Variants in PCYT1A observed in about 807,000 individuals in gnomAD.
PCYT1A encodes the protein phosphate cytidylyltransferase 1A, choline, also known as choline-phosphate cytidylyltransferase A.
A neutral mutation model predicts 43.7 loss-of-function variants in PCYT1A; 25 were observed. The ratio of observed to expected loss-of-function variants is 0.57; its 90% CI spans 0.42 to 0.80. The LOEUF is 0.80. Ranked by LOEUF, PCYT1A falls within the 30% of genes least tolerant of loss-of-function variation. PCYT1A has a pLI of 0.00. For missense variants in PCYT1A, 421 were observed against 474.2 expected (o/e 0.89, Z 1.04); for synonymous variants, 172 against 170.7 (o/e 1.01, Z -0.06).
intron 1 of PCYT1A, among the ~76,000 whole-genome samples, chr3:196,275,418 G>A (rs1217569617): frequency 6.6e-6 from 1 of 152,196 alleles, no homozygotes; most frequent in East Asian, 1.9e-4. Context: ...AAAGGGAGAT[G>A]TCGAGTACAA....
In PCYT1A at chr3:196,248,270, C is replaced by T; in HGVS notation, c.271G>A (p.Gly91Ser). 1.2e-6 allele frequency: 2 copies of T among 1,613,742 alleles called. No homozygotes were observed. Among genetic ancestry groups the T allele is most frequent in the East Asian group, 2.2e-5 (1 of 44,886 alleles). The change falls in exon 4 of 9, where the codon GGT becomes AGT. Residue 91 changes from glycine to serine, a missense_variant. Physicochemically the swap from Gly to Ser is moderately conservative, Grantham distance 56. Around this residue, in one of 3 missense-constraint regions of PCYT1A, gnomAD observed 139 missense variants for 117.7 expected, o/e 1.18. Transcript: ENST00000431016. ...GCTTGCATCAGAGCTCGGGCGTGACCAGAGTGAAATAAGTCAAATATTCCA... is the reference window on the plus strand; with the variant it reads ...GCTTGCATCAGAGCTCGGGCGTGACTAGAGTGAAATAAGTCAAATATTCCA... Reference protein sequence around the residue: ...ADGIFDLFHSGHARALMQAKN... With the variant: ...ADGIFDLFHSSHARALMQAKN...
At chr3:196,265,265 G>A (rs939583282) in intron 2 of PCYT1A, among the ~76,000 whole-genome samples, 5 of 151,538 alleles carry the variant, frequency 3.3e-5, no homozygotes, top group South Asian at 2.1e-4. Context: ...ACGGGGTTTC[G>A]CCATGTTGGC....
At chr3:196,243,718 T>C (rs1289354203) in intron 5 of PCYT1A, among the ~76,000 whole-genome samples, 2 of 152,254 alleles carry the variant, frequency 1.3e-5, no homozygotes, top group Non-Finnish European at 2.9e-5. Context: ...ATTTTTTTGG[T>C]GGAGACAGGG....
chr3:196,248,429 T>C, intron 3 of PCYT1A, 106 bp from the exon 4 acceptor site: 1 of 613,386 alleles, frequency 1.6e-6, no homozygotes, highest in Non-Finnish European at 2.9e-6. Context: ...TGGAGTGCAG[T>C]GGCGTGATCT....
chr3:196,285,189 G>T (rs1286809513), intron 1 of PCYT1A, among the ~76,000 whole-genome samples: 1 of 152,172 alleles, frequency 6.6e-6, no homozygotes, highest in Non-Finnish European at 1.5e-5. Flanking sequence ...GCCAGGCGTG[G>T]TGGTCACACC....
intron 1 of PCYT1A, among the ~76,000 whole-genome samples, chr3:196,278,090 C>T (rs1725644759): frequency 1.3e-5 from 2 of 152,260 alleles, no homozygotes; most frequent in African/African-American, 2.4e-5. Flanking sequence ...GGACACATCA[C>T]CTTTGCTACT....
chr3:196,271,566 A>G (rs933853184), intron 1 of PCYT1A, among the ~76,000 whole-genome samples: 2 of 150,444 alleles, frequency 1.3e-5, no homozygotes, highest in African/African-American at 2.4e-5. Flanking sequence ...AGCTAGGACC[A>G]GCATAATGTA....
rs1365763649 is a variant in PCYT1A, at chr3:196,247,490, G to C, written c.363C>G (p.Phe121Leu). 6.2e-7 allele frequency: 1 copy of C among 1,614,164 alleles called. No homozygotes were observed. Among genetic ancestry groups the C allele is most frequent in the South Asian group, 1.1e-5 (1 of 91,088 alleles). The part of the protein sequence containing the change: ...GVCSDELTHN[F>L]KGFTVMNENE... ...TCTCGTTCATCACCGTGAAGCCTTT[G>C]AAGTTGTGTGTGAGCTCATCACTGC... Residue 121 changes from phenylalanine (F) to leucine (L), a missense_variant, in exon 5 of 9, where the codon TTC (phenylalanine) becomes TTG (leucine). Physicochemically the swap from Phe to Leu is conservative, Grantham distance 22. Coordinates refer to ENST00000431016, the MANE Select transcript of PCYT1A (RefSeq NM_001312673.2). This position sits in a 1 kb window ranked among gnomAD's most constrained non-coding sequence, Gnocchi z 4.8.
At chr3:196,274,473 C>T (rs1725531000) in intron 1 of PCYT1A, among the ~76,000 whole-genome samples, 1 of 151,862 alleles carries the variant, frequency 6.6e-6, no homozygotes, top group African/African-American at 2.4e-5. Context: ...TTAAGTAACA[C>T]AATTTGTACA....
chr3:196,270,485 T>G lies in PCYT1A; in HGVS notation c.47A>C (p.Lys16Thr). ...SAKVNARKRR[K>T]EAPGPNGATE... ...TGCCCCGTTGGGTCCGGGCGCCTCTTTTCTCCTCTTCCTTGCATTGACCTT... is the reference window on the plus strand; with the variant it reads ...TGCCCCGTTGGGTCCGGGCGCCTCTGTTCTCCTCTTCCTTGCATTGACCTT... The change falls in exon 2 of 9, where the codon AAA (lysine) becomes ACA (threonine). Residue 16 changes from lysine to threonine, a missense_variant. By Grantham distance (78) the Lys-to-Thr change is moderately conservative. This residue lies in a region of PCYT1A where 139 missense variants were observed against 117.7 expected (regional missense o/e 1.18). Transcript: ENST00000431016. The G allele has an allele frequency of 6.2e-7, 1 of 1,614,198 alleles. No homozygotes were observed. The highest frequency in any genetic ancestry group is 8.5e-7 in the Non-Finnish European group (1 of 1,180,008).
Position 196,239,618 on chromosome 3 carries a change from G to T in PCYT1A, c.826C>A (p.Gln276Lys). 6.2e-7 allele frequency: 1 copy of T among 1,612,524 alleles called. No homozygotes were observed. The highest frequency in any genetic ancestry group is 8.5e-7 in the Non-Finnish European group (1 of 1,178,550). ...TCTCGGGACTTCTCCTCCCACTTCT[G>T]AATGAGGTCAATGCTTTTTTCCTCC... ...KVEEKSIDLI[Q>K]KWEEKSREFI... Residue 276 changes from glutamine (Q) to lysine (K), a missense_variant, in exon 8 of 9, where the codon CAG (glutamine) becomes AAG (lysine). Gln to Lys is a moderately conservative substitution (Grantham distance 53). This residue lies in a region of PCYT1A where 174 missense variants were observed against 270.7 expected (regional missense o/e 0.64). Transcript: ENST00000431016.
chr3:196,242,135 A>G lies in PCYT1A; in HGVS notation c.566-45T>C. Reference sequence around the variant, plus strand: ...AGACAAACACTGTGAGGTTCTGGTTAGCTCAGGTATTAAGACTAAATGGAA... The same window carrying G: ...AGACAAACACTGTGAGGTTCTGGTTGGCTCAGGTATTAAGACTAAATGGAA... On this transcript the variant is annotated intron_variant, in intron 6 of 8. Coordinates refer to ENST00000431016, the MANE Select transcript of PCYT1A (RefSeq NM_001312673.2). This position sits in a 1 kb window ranked among gnomAD's most constrained non-coding sequence, Gnocchi z 4.2. 1 of 1,602,962 alleles carries G rather than the reference A, an allele frequency of 6.2e-7. No individual in the cohort carries two copies. Among genetic ancestry groups the G allele is most frequent in the Non-Finnish European group, 8.5e-7 (1 of 1,171,290 alleles).
At chr3:196,245,266 C>T (rs575455584) in intron 5 of PCYT1A, among the ~76,000 whole-genome samples, 27 of 151,986 alleles carry the variant, frequency 1.8e-4, no homozygotes, top group Admixed American at 1.0e-3. Flanking sequence ...CTCAGCCTCC[C>T]GAGTAGCTGG....
chr3:196,252,119 G>T lies in PCYT1A; in HGVS notation c.218-3796C>A, dbSNP rs1245933647. Among the ~76,000 whole-genome samples the T allele has an allele frequency of 6.6e-6, 1 of 151,004 alleles. No homozygotes were observed. Among genetic ancestry groups the T allele is most frequent in the South Asian group, 2.1e-4 (1 of 4,784 alleles). ...CGCCCCGCAGACTACAGCGCACCCC[G>T]CCACGCCCCACTGGCTACAGTGCAC... On this transcript the variant is annotated intron_variant, in intron 3 of 8. Coordinates refer to ENST00000431016, the MANE Select transcript of PCYT1A (RefSeq NM_001312673.2). This position sits in a 1 kb window ranked among gnomAD's most constrained non-coding sequence, Gnocchi z 4.0.
chr3:196,279,959 C>T (rs57504833), intron 1 of PCYT1A, among the ~76,000 whole-genome samples: 1,545 of 151,420 alleles, frequency 0.01, 23 homozygotes, highest in African/African-American at 0.035. Flanking sequence ...CTCAGCCTCC[C>T]GAGTAGCTGG....
At position 196,238,763 on chromosome 3, in the gene PCYT1A, G is replaced by A. The variant is rs760678159; in HGVS notation, c.1029C>T (p.Ser343=). 7 of 1,591,750 alleles carry A rather than the reference G, an allele frequency of 4.4e-6. No homozygotes were observed. The highest frequency in any genetic ancestry group is 1.1e-5 in the South Asian group (1 of 87,840). The change falls in exon 9 of 9, where the codon TCC becomes TCT. Residue 343 remains serine, a synonymous_variant. Transcript: ENST00000431016. ...AGAGATTTGCTGGGGAGCAAGGTGG[G>A]GAAGTCTTGCCGGAGAAGGGCCATC... ...SFRWPFSGKT[S]PPCSPANLSR...
At position 196,238,800 on chromosome 3, in the gene PCYT1A, GA is replaced by G; in HGVS notation, c.991del (p.Ser331ProfsTer166). On this transcript the variant is annotated frameshift_variant, in exon 9 of 9. Coordinates refer to ENST00000431016, the MANE Select transcript of PCYT1A (RefSeq NM_001312673.2). LOFTEE classifies it high-confidence loss of function. ...GGAGAAGGGCCATCGGAAAGAGGGG[GA>G]GGGGGAGCGCTCGCGAGTAGGGCTG... Reference protein sequence around the residue: ...SSSPTRERSPSPSFRWPFSGK... With the variant: ...SSSPTRERSPXPSFRWPFSGK... The G allele has an allele frequency of 1.9e-6, 3 of 1,584,134 alleles. No homozygotes were observed. The highest frequency in any genetic ancestry group is 1.8e-5 in the Admixed American group (1 of 55,856).
At chr3:196,263,544 C>T (rs554373090) in intron 2 of PCYT1A, among the ~76,000 whole-genome samples, 2 of 152,038 alleles carry the variant, frequency 1.3e-5, no homozygotes, top group South Asian at 2.1e-4. Context: ...CCACGGGAAA[C>T]GCTACAGAGT....
chr3:196,287,368 C>T (rs1225498539), intron 1 of PCYT1A: 2 of 152,362 alleles, frequency 1.3e-5, no homozygotes, highest in Non-Finnish European at 2.9e-5. Flanking sequence ...GTCACTGCCT[C>T]ATACTTCCTC....
Sources: gnomAD v4.1 joint callset for allele counts (sites outside exome capture counted in the v4.1 genomes callset) on GRCh38, gnomAD v4.1.1 for gene constraint, gnomAD v4.1.1 regional missense constraint, Gnocchi (gnomAD v3.1) non-coding constraint, MANE v1.5 for transcripts, NCBI Gene and HGNC (gene_info 2026-07-23, HGNC 2026-07-21) for gene names.